The following PKHD1 variants were observed in gnomAD, a reference collection of about 807,000 sequenced individuals.
PKHD1 encodes fibrocystin.
A neutral mutation model predicts 412.0 loss-of-function variants in PKHD1; 291 were observed. That is an observed-to-expected ratio of 0.71 (90% CI 0.64 to 0.78). PKHD1 has a LOEUF of 0.78. PKHD1 is among the 30% of genes least tolerant of loss of function. The pLI, the probability that PKHD1 is intolerant of heterozygous loss-of-function variation, is 0.00. For synonymous variants in PKHD1, 1,777 were observed against 1,821.5 expected (o/e 0.98, Z 0.62); for missense variants, 4,825 against 4,950.7 (o/e 0.97, Z 0.76).
intron 34 of PKHD1, among the ~76,000 whole-genome samples, chr6:52,016,287 A>T (rs1800514074): frequency 6.6e-6 from 1 of 152,192 alleles, no homozygotes; most frequent in Non-Finnish European, 1.5e-5. Context: ...ATGCCATGAA[A>T]AGAGCTGGTT....
chr6:51,818,960 G>A (rs186061276), intron 52 of PKHD1, among the ~76,000 whole-genome samples: 80 of 152,188 alleles, frequency 5.3e-4, no homozygotes, highest in Admixed American at 2.7e-3. Flanking sequence ...TATCAACCTC[G>A]TACCATAATA....
rs1581894452 is a variant in PKHD1 at position 52,040,124 on chromosome 6, A to G, written c.3097+2735T>C. Among the ~76,000 whole-genome samples, 4 of 152,312 alleles carry G rather than the reference A, an allele frequency of 2.6e-5. No individual in the cohort carries two copies. In the South Asian group the frequency reaches 8.3e-4, roughly 32 times the overall value. ...GAAGAGGGAGAAACAGTGACTGACT[A>G]CTAATGTATACAGGTTCCTTTCCAT... On this transcript the variant is annotated intron_variant, in intron 27 of 66. Coordinates refer to ENST00000371117, the MANE Select transcript of PKHD1 (RefSeq NM_138694.4).
intron 60 of PKHD1, among the ~76,000 whole-genome samples, chr6:51,710,703 T>C (rs1013171473): frequency 6.6e-6 from 1 of 152,204 alleles, no homozygotes; most frequent in African/African-American, 2.4e-5. Flanking sequence ...CAATATAAAA[T>C]TTGAATACTT....
chr6:51,997,369 C>G, intron 35 of PKHD1, among the ~76,000 whole-genome samples: 1 of 152,102 alleles, frequency 6.6e-6, no homozygotes, highest in Admixed American at 6.5e-5. Context: ...GTTCTGTGAG[C>G]CAATATAGTC....
intron 33 of PKHD1, among the ~76,000 whole-genome samples, chr6:52,019,550 G>A (rs550561015): frequency 2.6e-5 from 4 of 152,290 alleles, no homozygotes; most frequent in African/African-American, 7.2e-5. Flanking sequence ...TTCATTAAAG[G>A]TGATTAAGTA....
chr6:51,715,747 G>GGT (rs2150788108), intron 60 of PKHD1, among the ~76,000 whole-genome samples: 1 of 152,238 alleles, frequency 6.6e-6, no homozygotes, highest in African/African-American at 2.4e-5. Context: ...CACAGATTAG[G>GGT]GTGAGGAATG....
intron 48 of PKHD1, among the ~76,000 whole-genome samples, chr6:51,864,670 C>T (rs1198255826): frequency 6.6e-6 from 1 of 151,976 alleles, no homozygotes; most frequent in African/African-American, 2.4e-5. Context: ...TTTAGAGTAG[C>T]CACACTAAAA....
chr6:51,633,900 T>G (rs1335907), intron 64 of PKHD1, among the ~76,000 whole-genome samples: 6,503 of 152,210 alleles, frequency 0.043, 232 homozygotes, highest in African/African-American at 0.093. Flanking sequence ...AAAAATAAAT[T>G]GTTTGAAAAC....
intron 35 of PKHD1, among the ~76,000 whole-genome samples, chr6:52,003,108 A>C (rs1018078360): frequency 6.6e-6 from 1 of 152,196 alleles, no homozygotes; most frequent in Non-Finnish European, 1.5e-5. Flanking sequence ...ATAATTAAGA[A>C]CTATGGAATT....
chr6:51,638,597 C>T (rs1011699287), intron 64 of PKHD1, among the ~76,000 whole-genome samples: 5 of 152,044 alleles, frequency 3.3e-5, no homozygotes, highest in Admixed American at 1.3e-4. Context: ...AAGTAGAACA[C>T]TGAACGTAAA....
intron 60 of PKHD1, among the ~76,000 whole-genome samples, chr6:51,726,649 C>T (rs1782609796): frequency 6.6e-6 from 1 of 152,182 alleles, no homozygotes; most frequent in Admixed American, 6.5e-5. Context: ...GTTTATCCTA[C>T]AGAGTGGATA....
In PKHD1 at chr6:51,755,949, GGGTGTGTATTACACA is replaced by G. The variant is rs1241106106; in HGVS notation, c.8643-1026_8643-1012del. ...CATATCTTTAAAGAGTCTACTGTAT[GGGTGTGTATTACACA>G]GTATTCTGTGTAATACCATGGGAGT... On this transcript the variant is annotated intron_variant, in intron 55 of 66. Coordinates refer to ENST00000371117, the MANE Select transcript of PKHD1 (RefSeq NM_138694.4). Among the ~76,000 whole-genome samples, 373 of 152,156 alleles carry G rather than the reference GGGTGTGTATTACACA, an allele frequency of 2.5e-3. 1 individual carries two copies. The highest frequency in any genetic ancestry group is 8.5e-3 in the African/African-American group (354 of 41,530).
chr6:51,943,120 G>T (rs1361992317), intron 36 of PKHD1, among the ~76,000 whole-genome samples: 2 of 151,352 alleles, frequency 1.3e-5, no homozygotes, highest in African/African-American at 2.4e-5. Context: ...TCTTATAATG[G>T]ACTGGCCTTT....
Position 52,025,145 on chromosome 6 carries a change from T to C in PKHD1, c.4665A>G (p.Thr1555=). The part of the protein sequence containing the change: ...PGPHYLSVFY[T]RNGYACSGNV... ...TACCAGAACAAGCATACCCATTTCT[T>C]GTATAAAAAACTGACAGGTAGTGGG... is the stretch of plus-strand genomic sequence containing the variant. The change falls in exon 32 of 67, where the codon ACA becomes ACG. Residue 1555 remains threonine, a synonymous_variant. Transcript: ENST00000371117. 2 of 1,614,154 alleles carry C rather than the reference T, an allele frequency of 1.2e-6. No homozygotes were observed. The highest frequency in any genetic ancestry group is 2.2e-5 in the South Asian group (2 of 91,082).
At chr6:51,736,005 T>C (rs1783797482) in intron 60 of PKHD1, among the ~76,000 whole-genome samples, 1 of 152,152 alleles carries the variant, frequency 6.6e-6, no homozygotes, top group African/African-American at 2.4e-5. Context: ...ACTTGGACAA[T>C]TTACCTAATG....
At chr6:51,834,894 C>T (rs1356217762) in intron 51 of PKHD1, among the ~76,000 whole-genome samples, 1 of 152,140 alleles carries the variant, frequency 6.6e-6, no homozygotes, top group African/African-American at 2.4e-5. Context: ...GCACAAGGAA[C>T]ACTGGGCTGA....
intron 55 of PKHD1, among the ~76,000 whole-genome samples, chr6:51,755,354 A>T (rs949306428): frequency 6.6e-6 from 1 of 152,148 alleles, no homozygotes; most frequent in African/African-American, 2.4e-5. Context: ...AACTTTGGAC[A>T]TTTTGGACAA....
At chr6:51,705,089 ATAAT>A (rs1233827200) in intron 60 of PKHD1, among the ~76,000 whole-genome samples, 3 of 152,112 alleles carry the variant, frequency 2.0e-5, no homozygotes, top group Non-Finnish European at 4.4e-5. Context: ...ATTTAATCAA[ATAAT>A]TGAGAAAACT....
At chr6:51,824,220 A>G (rs1347184292) in intron 52 of PKHD1, among the ~76,000 whole-genome samples, 2 of 152,090 alleles carry the variant, frequency 1.3e-5, no homozygotes, top group Non-Finnish European at 2.9e-5. Flanking sequence ...TTATAAGTAA[A>G]TCCACCTCAA....
Sources: allele counts gnomAD v4.1 joint callset (sites outside exome capture counted in the v4.1 genomes callset), GRCh38; gene constraint gnomAD v4.1.1; transcripts MANE v1.5; gene names NCBI Gene and HGNC (gene_info 2026-07-23, HGNC 2026-07-21).